Variants in ANKRD27 observed in about 807,000 individuals in gnomAD.
The protein encoded by ANKRD27 is ankyrin repeat domain 27, also known as ankyrin repeat domain-containing protein 27.
A neutral mutation model predicts 129.7 loss-of-function variants in ANKRD27; 112 were observed. The observed-to-expected ratio is 0.86, with a 90% CI of 0.74 to 1.01. The LOEUF (loss-of-function observed/expected upper bound fraction) is 1.01, where lower values mean the gene tolerates loss of function less well. Among genes scored for constraint, ANKRD27 ranks in the 50% least tolerant of loss-of-function variants. ANKRD27 has a pLI of 0.00. For synonymous variants in ANKRD27, 516 were observed against 511.2 expected, an observed-to-expected ratio of 1.01 and a Z score of -0.13; for missense variants, 1,258 against 1,300.5, an observed-to-expected ratio of 0.97 and a Z score of 0.50.
At chr19:32,611,300 G>A (rs994611896) in intron 22 of ANKRD27, among the ~76,000 whole-genome samples, 9 of 152,178 alleles carry the variant, frequency 5.9e-5, no homozygotes, top group Admixed American at 4.6e-4. Flanking sequence ...CTTCCCACCA[G>A]ATGCTAGGGA....
Position 32,602,032 on chromosome 19 carries a change from A to G in ANKRD27, c.2750T>C (p.Val917Ala). The change falls in exon 26 of 29, where the codon GTT becomes GCT. Residue 917 changes from valine (V) to alanine (A), a missense_variant. Val to Ala is a moderately conservative substitution (Grantham distance 64). Transcript: ENST00000306065. The stretch of plus-strand genomic sequence containing the variant: ...ACTCTTACATTTTTTCCTGATCTTA[A>G]CAGTGACATACTCCTTGCGGTCAGT... ...AETDRKEYVT[V>A]KIRKKWNSKL... 6.2e-7 allele frequency: 1 copy of G among 1,613,048 alleles called. No homozygotes were observed. The highest frequency in any genetic ancestry group is 8.5e-7 in the Non-Finnish European group (1 of 1,179,238).
chr19:32,614,880 A>G (rs1482825278), intron 22 of ANKRD27, among the ~76,000 whole-genome samples: 3 of 152,190 alleles, frequency 2.0e-5, no homozygotes, highest in Non-Finnish European at 4.4e-5. Flanking sequence ...CAATGTTGAT[A>G]TCCTGGCTGT....
intron 12 of ANKRD27, among the ~76,000 whole-genome samples, 191 bp from the exon 13 acceptor site, chr19:32,631,685 A>C (rs536766020): frequency 2.0e-5 from 3 of 152,256 alleles, no homozygotes; most frequent in African/African-American, 7.2e-5. Flanking sequence ...CTGGAAGTGG[A>C]GGCTTTGACG....
chr19:32,624,422 C>A (rs1296377653), intron 17 of ANKRD27, among the ~76,000 whole-genome samples: 1 of 151,510 alleles, frequency 6.6e-6, no homozygotes, highest in African/African-American at 2.4e-5. Flanking sequence ...TAGAGGATCT[C>A]TGTAACGTAG....
intron 23 of ANKRD27, among the ~76,000 whole-genome samples, chr19:32,606,704 G>A (rs1269880079): frequency 6.6e-6 from 1 of 151,798 alleles, no homozygotes; most frequent in Non-Finnish European, 1.5e-5. Context: ...TCTATGCTAG[G>A]TGTTGGCGAG....
intron 1 of ANKRD27, among the ~76,000 whole-genome samples, chr19:32,671,720 T>C (rs1967873839): frequency 6.6e-6 from 1 of 152,170 alleles, no homozygotes; most frequent in Non-Finnish European, 1.5e-5. Flanking sequence ...AAAGAATTAG[T>C]TTGCTATTTT....
chr19:32,610,068 T>G (rs1473901398), intron 22 of ANKRD27, among the ~76,000 whole-genome samples: 1 of 151,998 alleles, frequency 6.6e-6, no homozygotes, highest in African/African-American at 2.4e-5. Flanking sequence ...GCCAGCACTT[T>G]CGGGAGGCCG....
At chr19:32,607,382 GA>G (rs111785753) in intron 23 of ANKRD27, among the ~76,000 whole-genome samples, 7,577 of 152,142 alleles carry the variant, frequency 0.05, 319 homozygotes, top group East Asian at 0.16. Context: ...CTGGGGGCAA[GA>G]ATCAGAATGA....
intron 4 of ANKRD27, among the ~76,000 whole-genome samples, chr19:32,646,116 G>C (rs990203308): frequency 3.3e-5 from 5 of 152,016 alleles, no homozygotes; most frequent in Non-Finnish European, 7.4e-5. Context: ...ATTTTTAGTA[G>C]AGATGGGGTT....
At chr19:32,671,238 T>C (rs1967863712) in intron 1 of ANKRD27, among the ~76,000 whole-genome samples, 1 of 151,456 alleles carries the variant, frequency 6.6e-6, no homozygotes, top group Non-Finnish European at 1.5e-5. Flanking sequence ...CAATGAGTTA[T>C]GACTGCACCA....
At chr19:32,611,425 G>C (rs1971833950) in intron 22 of ANKRD27, among the ~76,000 whole-genome samples, 1 of 152,206 alleles carries the variant, frequency 6.6e-6, no homozygotes, top group African/African-American at 2.4e-5. Context: ...CACATCCCCA[G>C]TGTACATGTT....
chr19:32,621,744 C>A (rs1202209118), intron 18 of ANKRD27, among the ~76,000 whole-genome samples: 1 of 152,182 alleles, frequency 6.6e-6, no homozygotes, highest in Non-Finnish European at 1.5e-5. Context: ...CCTCAGCTTG[C>A]AGATATTCTG....
intron 23 of ANKRD27, among the ~76,000 whole-genome samples, 197 bp from the exon 24 acceptor site, chr19:32,606,151 CT>C (rs11325326): frequency 0.67 from 84,283 of 125,302 alleles, 28,366 homozygotes; most frequent in African/African-American, 0.79. Flanking sequence ...GTTTTTCTTT[CT>C]TTTTTTTTTT....
chr19:32,628,118 CT>C lies in ANKRD27; in HGVS notation c.1384del (p.Arg462GlyfsTer28). ...AGCCACATGGAGAGGGGTGTGCCCC[CT>C]GTCGTCTCTGGAGAATGGAGTGACA... ...SVVTPFSRDD[R>X]GHTPLHVAAV... is the part of the protein sequence containing the mutation. On this transcript the variant is annotated frameshift_variant, in exon 15 of 29. Coordinates refer to ENST00000306065, the MANE Select transcript of ANKRD27 (RefSeq NM_032139.3). LOFTEE classifies it high-confidence loss of function. 1 of 1,614,244 alleles carries C rather than the reference CT, an allele frequency of 6.2e-7. No individual in the cohort carries two copies. Among genetic ancestry groups the C allele is most frequent in the Non-Finnish European group, 8.5e-7 (1 of 1,180,024 alleles).
rs752267352 is a variant in ANKRD27 at position 32,646,677 on chromosome 19, T to G, written c.214-62A>C. 5.3e-4 allele frequency: 825 copies of G among 1,558,278 alleles called. 2 individuals carry two copies. The highest frequency in any genetic ancestry group is 3.7e-4 in the Non-Finnish European group (425 of 1,148,268). ...GGGCAACCACATCCCACTCTCAGCC[T>G]GGCCCCCGATGCAGCACTTAACCAG... On this transcript the variant is annotated intron_variant, in intron 3 of 28. Coordinates refer to ENST00000306065, the MANE Select transcript of ANKRD27 (RefSeq NM_032139.3).
At chr19:32,624,435 C>A (rs1027018486) in intron 17 of ANKRD27, among the ~76,000 whole-genome samples, 1 of 151,568 alleles carries the variant, frequency 6.6e-6, no homozygotes, top group Non-Finnish European at 1.5e-5. Context: ...TAACGTAGAG[C>A]TAAGTTAGGA....
intron 2 of ANKRD27, among the ~76,000 whole-genome samples, chr19:32,657,842 G>A (rs1163793776): frequency 6.6e-6 from 1 of 151,956 alleles, no homozygotes; most frequent in Non-Finnish European, 1.5e-5. Context: ...GGACGTGGTT[G>A]CACACACCTG....
At chr19:32,603,558 T>C (rs1044167848) in intron 25 of ANKRD27, among the ~76,000 whole-genome samples, 3 of 152,184 alleles carry the variant, frequency 2.0e-5, no homozygotes, top group Non-Finnish European at 4.4e-5. Context: ...CTTTCATTTT[T>C]TTGAGATAAA....
chr19:32,641,216 G>GA (rs397944392), intron 10 of ANKRD27, among the ~76,000 whole-genome samples: 9,086 of 143,142 alleles, frequency 0.063, 950 homozygotes, highest in African/African-American at 0.22. Context: ...TGTCTCTTAA[G>GA]AAAAAAAAAA....
Sources: allele counts gnomAD v4.1 joint callset (sites outside exome capture counted in the v4.1 genomes callset), GRCh38; gene constraint gnomAD v4.1.1; transcripts MANE v1.5; gene names NCBI Gene and HGNC (gene_info 2026-07-23, HGNC 2026-07-21).